Variants in ABCB11 observed in about 807,000 individuals in gnomAD.
ABCB11 encodes the protein ATP binding cassette subfamily B member 11.
ABCB11 carries 95 observed loss-of-function variants against 148.0 expected under a neutral mutation model. The ratio of observed to expected loss-of-function variants is 0.64; its 90% CI spans 0.54 to 0.76. The LOEUF (loss-of-function observed/expected upper bound fraction) is 0.76. Ranked by LOEUF, ABCB11 falls within the 30% of genes least tolerant of loss-of-function variation. ABCB11 has a pLI of 0.00. For missense variants in ABCB11, 1,523 were observed against 1,617.8 expected (o/e 0.94, Z 1.01); for synonymous variants, 591 against 555.4 (o/e 1.06, Z -0.90).
chr2:169,028,648 T>C (rs1043291559), intron 1 of ABCB11, among the ~76,000 whole-genome samples: 3 of 151,944 alleles, frequency 2.0e-5, no homozygotes, highest in Non-Finnish European at 2.9e-5. Flanking sequence ...TGGGACCTTA[T>C]CCTAAAGGCC....
rs1205284495 is a variant in ABCB11, at chr2:168,982,704, A to C, written c.1084-2725T>G. The stretch of plus-strand genomic sequence containing the variant: ...GTTAATTAGTTTTGTGGATTAAAAC[A>C]CTCAACTCAGCCCATGCACACTCAG... On this transcript the variant is annotated intron_variant, in intron 10 of 27. Coordinates refer to ENST00000650372, the MANE Select transcript of ABCB11 (RefSeq NM_003742.4). Among the ~76,000 whole-genome samples the C allele has an allele frequency of 2.0e-5, 3 of 152,122 alleles. No individual in the cohort carries two copies. In the East Asian group the frequency reaches 5.8e-4, roughly 29 times the overall value.
At chr2:168,972,128 CA>C in intron 13 of ABCB11, 78 bp from the exon 14 acceptor site, 1 of 1,340,812 alleles carries the variant, frequency 7.5e-7, no homozygotes, top group Non-Finnish European at 1.0e-6. Flanking sequence ...CATACTTGAC[CA>C]ATGGGCAGAA....
intron 5 of ABCB11, among the ~76,000 whole-genome samples, chr2:169,001,566 G>A (rs112202984): frequency 2.0e-5 from 3 of 152,100 alleles, no homozygotes; most frequent in Middle Eastern, 6.8e-3. Flanking sequence ...GGCACAAGAG[G>A]GGCTTATTAC....
At chr2:168,938,040 CA>C (rs148294136) in intron 21 of ABCB11, among the ~76,000 whole-genome samples, 6 of 152,064 alleles carry the variant, frequency 3.9e-5, no homozygotes, top group African/African-American at 7.2e-5. Flanking sequence ...TTATTTAAGA[CA>C]AAAAAATGTA....
intron 19 of ABCB11, among the ~76,000 whole-genome samples, chr2:168,955,423 A>G (rs1692745719): frequency 6.6e-6 from 1 of 151,622 alleles, no homozygotes; most frequent in South Asian, 2.1e-4. Flanking sequence ...AGATCTTCAT[A>G]TGACCAAAGC....
chr2:169,029,059 C>G (rs1695783997), intron 1 of ABCB11, among the ~76,000 whole-genome samples: 1 of 151,946 alleles, frequency 6.6e-6, no homozygotes, highest in Non-Finnish European at 1.5e-5. Flanking sequence ...TGGAGAGCAC[C>G]CGCCCCCACC....
At chr2:169,020,942 AT>A (rs959848742) in intron 1 of ABCB11, among the ~76,000 whole-genome samples, 1 of 151,870 alleles carries the variant, frequency 6.6e-6, no homozygotes, top group Non-Finnish European at 1.5e-5. Context: ...AGTTTATTGA[AT>A]TTTTTAAAGT....
At position 168,991,991 on chromosome 2, in the gene ABCB11, C is replaced by G. The variant is rs1317205733; in HGVS notation, c.784-1066G>C. ...TATCCGAGACTATAGGCACATGCCA[C>G]CATGCCTGGCTATTTAAAAAAAATT... On this transcript the variant is annotated intron_variant, in intron 8 of 27. Coordinates refer to ENST00000650372, the MANE Select transcript of ABCB11 (RefSeq NM_003742.4). 3.3e-5 allele frequency among the ~76,000 whole-genome samples: 5 copies of G among 151,118 alleles called. No individual in the cohort carries two copies. The South Asian group carries it at 6.3e-4, about 19-fold the overall frequency.
chr2:169,027,103 A>T (rs1425687933), intron 1 of ABCB11, among the ~76,000 whole-genome samples: 1 of 152,252 alleles, frequency 6.6e-6, no homozygotes, highest in African/African-American at 2.4e-5. Flanking sequence ...GTTGAAAATA[A>T]CATCCAATGC....
chr2:168,998,064 G>A (rs1558917881), intron 5 of ABCB11, among the ~76,000 whole-genome samples: 1 of 151,916 alleles, frequency 6.6e-6, no homozygotes, highest in Non-Finnish European at 1.5e-5. Flanking sequence ...AGATGAACAA[G>A]AACTAGAAAA....
rs1196596831 is a variant in ABCB11, at chr2:168,944,628, T to C, written c.2587A>G (p.Thr863Ala). ...SPGALTTRLA[T>A]DASQVQGAAG... ...ACCCCTTGAACTTGGGAAGCATCTGTAGCAAGTCTTGTTGTCAATGCTCCA... is the reference window on the plus strand; with the variant it reads ...ACCCCTTGAACTTGGGAAGCATCTGCAGCAAGTCTTGTTGTCAATGCTCCA... The change falls in exon 21 of 28, where the codon ACA (threonine) becomes GCA (alanine). Residue 863 changes from threonine (T) to alanine (A), a missense_variant. Coordinates refer to ENST00000650372, the MANE Select transcript of ABCB11 (RefSeq NM_003742.4). The C allele has an allele frequency of 6.2e-6, 10 of 1,609,996 alleles. No homozygotes were observed. Among genetic ancestry groups the C allele is most frequent in the African/African-American group, 1.3e-5 (1 of 74,848 alleles).
At chr2:169,027,674 G>A (rs1039722997) in intron 1 of ABCB11, among the ~76,000 whole-genome samples, 2 of 152,160 alleles carry the variant, frequency 1.3e-5, no homozygotes, top group Non-Finnish European at 2.9e-5. Flanking sequence ...GTACCACAAA[G>A]GTCCTGAGGC....
intron 6 of ABCB11, among the ~76,000 whole-genome samples, chr2:168,996,321 C>G (rs1694711765): frequency 6.6e-6 from 1 of 152,002 alleles, no homozygotes; most frequent in Admixed American, 6.6e-5. Flanking sequence ...CTTCAAGCTA[C>G]TCAACTGCCC....
At chr2:168,966,724 T>C (rs971949405) in intron 17 of ABCB11, among the ~76,000 whole-genome samples, 5 of 151,904 alleles carry the variant, frequency 3.3e-5, no homozygotes, top group Admixed American at 6.6e-5. Context: ...AGATACATAT[T>C]AACACTTCAT....
chr2:169,028,033 T>C (rs1021406223), intron 1 of ABCB11, among the ~76,000 whole-genome samples: 2 of 152,150 alleles, frequency 1.3e-5, no homozygotes, highest in African/African-American at 2.4e-5. Flanking sequence ...CCTTTCATTT[T>C]CTATTATCTT....
At chr2:168,975,106 TA>T (rs34627998) in intron 12 of ABCB11, among the ~76,000 whole-genome samples, 64,232 of 117,556 alleles carry the variant, frequency 0.55, 18,465 homozygotes, top group East Asian at 0.7. Flanking sequence ...TATTTATAGA[TA>T]AATGTATAAA....
intron 11 of ABCB11, among the ~76,000 whole-genome samples, 194 bp from the exon 12 acceptor site, chr2:168,976,881 T>C (rs1693929771): frequency 6.6e-6 from 1 of 151,534 alleles, no homozygotes; most frequent in African/African-American, 2.4e-5. Context: ...TATCTTAATT[T>C]GAATTTACTT....
intron 12 of ABCB11, among the ~76,000 whole-genome samples, chr2:168,974,876 A>G (rs543905323): frequency 2.7e-5 from 4 of 150,926 alleles, no homozygotes; most frequent in South Asian, 4.2e-4. Context: ...GTTTAGGTAC[A>G]TATGTAATAG....
At chr2:168,919,538 T>C (rs185794999), downstream of ABCB11, among the ~76,000 whole-genome samples, 1 of 152,190 alleles carries the variant, frequency 6.6e-6, no homozygotes, top group East Asian at 1.9e-4. Flanking sequence ...TTCCTAATCA[T>C]CCTGGAGATT....
Sources: allele counts gnomAD v4.1 joint callset (sites outside exome capture counted in the v4.1 genomes callset), GRCh38; gene constraint gnomAD v4.1.1; transcripts MANE v1.5; gene names NCBI Gene and HGNC (gene_info 2026-07-23, HGNC 2026-07-21).